PDHX: variants seen among roughly 807,000 people sequenced by gnomAD.
PDHX encodes pyruvate dehydrogenase complex component X, also known as pyruvate dehydrogenase protein X component, mitochondrial.
A neutral mutation model predicts 55.3 loss-of-function variants in PDHX; 33 were observed. The ratio of observed to expected loss-of-function variants is 0.60; its 90% confidence interval spans 0.45 to 0.80. PDHX has a LOEUF of 0.80. Ranked by LOEUF, PDHX falls within the 30% of genes least tolerant of loss-of-function variation. The pLI is 0.00. For synonymous variants in PDHX, 226 were observed against 219.4 expected (o/e 1.03, Z -0.27); for missense variants, 622 against 619.9 (o/e 1.00, Z -0.04).
At chr11:34,982,010 A>G (rs916858094) in intron 8 of PDHX, among the ~76,000 whole-genome samples, 3 of 152,118 alleles carry the variant, frequency 2.0e-5, no homozygotes, top group African/African-American at 7.2e-5. Flanking sequence ...GTTTAATGAG[A>G]TCCCATTTGT....
chr11:34,935,332 A>G (rs1854283434), intron 2 of PDHX, among the ~76,000 whole-genome samples: 1 of 152,168 alleles, frequency 6.6e-6, no homozygotes, highest in African/African-American at 2.4e-5. Context: ...TGTTTCTGGC[A>G]ACCATTTTGC....
upstream of PDHX, chr11:34,916,444 C>T (rs1853701648): frequency 3.4e-6 from 5 of 1,471,906 alleles, no homozygotes; most frequent in Middle Eastern, 2.2e-4. Flanking sequence ...TGGTAAGGCC[C>T]CGCCGGCTGA....
intron 6 of PDHX, among the ~76,000 whole-genome samples, chr11:34,968,188 T>C (rs1269616665): frequency 1.3e-5 from 2 of 151,590 alleles, no homozygotes; most frequent in African/African-American, 4.9e-5. Flanking sequence ...GGGGAATCAC[T>C]TGAGACTGGG....
intron 3 of PDHX, among the ~76,000 whole-genome samples, chr11:34,951,106 G>A (rs1286244408): frequency 1.3e-4 from 19 of 147,358 alleles, no homozygotes; most frequent in African/African-American, 4.5e-4. Flanking sequence ...GCCCAGGTGG[G>A]AGTGCAGTGG....
Position 34,995,234 on chromosome 11 carries a change from T to C in PDHX, c.*62T>C. 6.4e-7 allele frequency: 1 copy of C among 1,562,768 alleles called. No homozygotes were observed. The highest frequency in any genetic ancestry group is 8.8e-7 in the Non-Finnish European group (1 of 1,135,442). ...ATTCAGTAGTTGTTACCAAGAAACA[T>C]ATGTTATAGGAAAACAACTTGGTAT... is the stretch of plus-strand genomic sequence containing the variant. On this transcript the variant is annotated 3_prime_UTR_variant, in exon 11 of 11. Coordinates refer to ENST00000227868, the MANE Select transcript of PDHX (RefSeq NM_003477.3).
intron 7 of PDHX, among the ~76,000 whole-genome samples, chr11:34,976,715 AT>A (rs1855384719): frequency 6.6e-6 from 1 of 152,176 alleles, no homozygotes; most frequent in Admixed American, 6.5e-5. Context: ...AAAAGAATAT[AT>A]TTCATTCAAC....
chr11:34,958,394 G>A (rs1378423858), intron 4 of PDHX, among the ~76,000 whole-genome samples: 2 of 152,006 alleles, frequency 1.3e-5, no homozygotes, highest in Non-Finnish European at 2.9e-5. Flanking sequence ...TCGGTCTTCT[G>A]GGTTCAAGCG....
At position 34,949,244 on chromosome 11, in the gene PDHX, G is replaced by A. The variant is rs577148722; in HGVS notation, c.342+1638G>A. Among the ~76,000 whole-genome samples, 9 of 149,854 alleles carry A rather than the reference G, an allele frequency of 6.0e-5. No individual in the cohort carries two copies. The East Asian group carries it at 1.7e-3, about 29-fold the overall frequency. On this transcript the variant is annotated intron_variant, in intron 3 of 10. Coordinates refer to ENST00000227868, the MANE Select transcript of PDHX (RefSeq NM_003477.3). ...TAAATCTTTTTTTCTTCTGTTTTTT[G>A]TTTTTGTTTTTGTTTTTGTTTGAGA...
chr11:34,932,038 G>A (rs1854189351), intron 2 of PDHX, among the ~76,000 whole-genome samples: 1 of 152,070 alleles, frequency 6.6e-6, no homozygotes, highest in African/African-American at 2.4e-5. Flanking sequence ...GTGCAGCTGA[G>A]TAGAGAATAA....
intron 8 of PDHX, among the ~76,000 whole-genome samples, chr11:34,981,446 T>C (rs1855511215): frequency 6.6e-6 from 1 of 152,206 alleles, no homozygotes; most frequent in African/African-American, 2.4e-5. Context: ...TTGTGAATAG[T>C]GCCACAATAA....
intron 2 of PDHX, among the ~76,000 whole-genome samples, chr11:34,940,667 A>G (rs1445731810): frequency 6.6e-6 from 1 of 152,198 alleles, no homozygotes; most frequent in African/African-American, 2.4e-5. Flanking sequence ...TTTAGAACAC[A>G]TTTCTGTCAC....
At chr11:34,915,992 T>C, upstream of PDHX, 2 of 591,030 alleles carry the variant, frequency 3.4e-6, no homozygotes, top group Admixed American at 3.1e-5. Flanking sequence ...TTCCAACGTT[T>C]GGCGCCCAGC....
At chr11:34,940,918 A>G (rs1369001889) in intron 2 of PDHX, among the ~76,000 whole-genome samples, 1 of 152,168 alleles carries the variant, frequency 6.6e-6, no homozygotes, top group Non-Finnish European at 1.5e-5. Context: ...ATTATATTCC[A>G]TCATTATGCG....
chr11:34,952,126 C>G (rs1590747325), intron 3 of PDHX, among the ~76,000 whole-genome samples: 2 of 151,684 alleles, frequency 1.3e-5, no homozygotes, highest in South Asian at 4.2e-4. Flanking sequence ...CATACACTCT[C>G]CCAAGGCTAA....
chr11:34,967,176 G>T (rs1855156224), intron 6 of PDHX, among the ~76,000 whole-genome samples: 1 of 152,026 alleles, frequency 6.6e-6, no homozygotes, highest in African/African-American at 2.4e-5. Flanking sequence ...TCAGATTCAA[G>T]TGTGAGAGAG....
intron 8 of PDHX, among the ~76,000 whole-genome samples, 176 bp downstream of exon 8, chr11:34,978,358 A>G (rs1855426956): frequency 6.6e-6 from 1 of 152,174 alleles, no homozygotes; most frequent in Non-Finnish European, 1.5e-5. Context: ...GTAAATCAAA[A>G]GGGCTCACAA....
intron 5 of PDHX, among the ~76,000 whole-genome samples, chr11:34,963,930 A>T (rs1565162392): frequency 6.6e-6 from 1 of 152,230 alleles, no homozygotes; most frequent in Non-Finnish European, 1.5e-5. Context: ...GTTTGTATTC[A>T]TCACACAGCA....
intron 7 of PDHX, among the ~76,000 whole-genome samples, chr11:34,976,891 G>C (rs1201209693): frequency 2.0e-5 from 3 of 152,100 alleles, no homozygotes; most frequent in Non-Finnish European, 4.4e-5. Flanking sequence ...AGCTGAGAGA[G>C]CCATGAAAGG....
At chr11:34,985,798 A>T (rs1371524459) in intron 9 of PDHX, among the ~76,000 whole-genome samples, 1 of 152,236 alleles carries the variant, frequency 6.6e-6, no homozygotes, top group South Asian at 2.1e-4. Context: ...GGGAGCCGAC[A>T]GTACATAAAT....
Sources: allele counts gnomAD v4.1 joint callset (sites outside exome capture counted in the v4.1 genomes callset), GRCh38; gene constraint gnomAD v4.1.1; transcripts MANE v1.5; gene names NCBI Gene and HGNC (gene_info 2026-07-23, HGNC 2026-07-21).